Variants in ANK3 observed in about 807,000 individuals in gnomAD.
ANK3 encodes ankyrin 3, also known as ankyrin-3.
Under a neutral mutation model 370.9 loss-of-function variants are expected in ANK3, and 57 were observed. That is an observed-to-expected ratio of 0.15 (90% CI 0.12 to 0.19). The LOEUF (loss-of-function observed/expected upper bound fraction) is 0.19, where lower values mean the gene tolerates loss of function less well. Ranked by LOEUF, ANK3 falls within the 10% of genes least tolerant of loss-of-function variation. The pLI, the probability that ANK3 is intolerant of heterozygous loss-of-function variation, is 1.00. For synonymous variants in ANK3, 1,929 were observed against 1,946.3 expected, an observed-to-expected ratio of 0.99 and a Z score of 0.23; for missense variants, 4,439 against 5,302.1, an observed-to-expected ratio of 0.84 and a Z score of 5.06.
At chr10:60,575,430 C>T (rs1252396553) in intron 2 of ANK3, among the ~76,000 whole-genome samples, 1 of 152,058 alleles carries the variant, frequency 6.6e-6, no homozygotes, top group African/African-American at 2.4e-5. Context: ...TGATGAGGAA[C>T]TTGTGACTTT....
chr10:60,057,216 C>T (rs2079374997), intron 41 of ANK3, among the ~76,000 whole-genome samples: 1 of 152,134 alleles, frequency 6.6e-6, no homozygotes, highest in Non-Finnish European at 1.5e-5. Flanking sequence ...CCTTTTCTAC[C>T]TACTGAGAGA....
intron 1 of ANK3, among the ~76,000 whole-genome samples, chr10:60,621,669 C>T (rs2078339570): frequency 6.6e-6 from 1 of 152,020 alleles, no homozygotes; most frequent in Admixed American, 6.6e-5. Context: ...CCAAGTAACA[C>T]ATTTATTGTT....
chr10:60,260,405 C>T (rs2097786733), intron 7 of ANK3, among the ~76,000 whole-genome samples: 1 of 152,212 alleles, frequency 6.6e-6, no homozygotes, highest in East Asian at 1.9e-4. Context: ...CACTGTACTG[C>T]TGTTGCTAGC....
In ANK3 at chr10:60,177,891, C is replaced by A. The variant is rs546327520; in HGVS notation, c.2184+3438G>T. Among the ~76,000 whole-genome samples the A allele has an allele frequency of 2.0e-5, 3 of 152,250 alleles. No individual in the cohort carries two copies. In the South Asian group the frequency reaches 6.2e-4, roughly 32 times the overall value. On this transcript the variant is annotated intron_variant, in intron 18 of 43. Transcript: ENST00000280772. ...CTTCAAATCTTAGCTGTTTGTATGT[C>A]TTTTAATTATCTCTCTAATTTCTCT...
intron 2 of ANK3, among the ~76,000 whole-genome samples, chr10:60,516,040 G>A (rs1346834983): frequency 6.6e-6 from 1 of 151,948 alleles, no homozygotes; most frequent in Non-Finnish European, 1.5e-5. Context: ...AAATTGACAG[G>A]GGCAGGGATA....
intron 2 of ANK3, among the ~76,000 whole-genome samples, chr10:60,407,425 T>C (rs1368135294): frequency 6.6e-6 from 1 of 152,216 alleles, no homozygotes; most frequent in East Asian, 1.9e-4. Context: ...TTAATTAATA[T>C]ATCATTGGAC....
intron 1 of ANK3, among the ~76,000 whole-genome samples, chr10:60,322,925 C>T (rs1050850204): frequency 3.9e-5 from 6 of 152,114 alleles, no homozygotes; most frequent in African/African-American, 1.2e-4. Flanking sequence ...TTTACTGAGA[C>T]AGGCAAGACT....
chr10:60,254,153 A>G (rs1181371497), intron 7 of ANK3, among the ~76,000 whole-genome samples: 1 of 152,152 alleles, frequency 6.6e-6, no homozygotes, highest in Non-Finnish European at 1.5e-5. Context: ...TGACTAATAC[A>G]ATATAAAAGT....
chr10:60,185,980 C>T (rs2096315523), intron 17 of ANK3, among the ~76,000 whole-genome samples: 1 of 152,144 alleles, frequency 6.6e-6, no homozygotes, highest in Admixed American at 6.5e-5. Context: ...TTCAAAATTG[C>T]CAACAACTTC....
chr10:60,293,029 C>T (rs1484041442), intron 1 of ANK3, among the ~76,000 whole-genome samples: 1 of 152,164 alleles, frequency 6.6e-6, no homozygotes, highest in Non-Finnish European at 1.5e-5. Flanking sequence ...AACTTTCTAT[C>T]AGTCACCCCC....
intron 1 of ANK3, among the ~76,000 whole-genome samples, chr10:60,301,020 C>A (rs1173382567): frequency 6.6e-6 from 1 of 151,046 alleles, no homozygotes; most frequent in African/African-American, 2.4e-5. Context: ...TGTCAAAGGG[C>A]AAATGCAACT....
intron 11 of ANK3, among the ~76,000 whole-genome samples, chr10:60,204,509 T>TA (rs1169040494): frequency 2.6e-5 from 4 of 152,198 alleles, no homozygotes; most frequent in Admixed American, 2.0e-4. Flanking sequence ...TGTCAACCAT[T>TA]TAATATTTTA....
intron 42 of ANK3, among the ~76,000 whole-genome samples, chr10:60,045,833 C>A (rs575270250): frequency 8.9e-4 from 136 of 152,224 alleles, no homozygotes; most frequent in Non-Finnish European, 1.6e-3. Context: ...CCATATGTCA[C>A]AATCAGTAGA....
intron 2 of ANK3, among the ~76,000 whole-genome samples, chr10:60,583,793 C>A (rs1033857675): frequency 1.3e-5 from 2 of 151,978 alleles, no homozygotes; most frequent in Non-Finnish European, 2.9e-5. Context: ...ACTATGTTGG[C>A]CAGATTGGTC....
At chr10:60,413,669 A>G (rs1047951989) in intron 2 of ANK3, among the ~76,000 whole-genome samples, 3 of 152,228 alleles carry the variant, frequency 2.0e-5, no homozygotes, top group African/African-American at 7.2e-5. Flanking sequence ...TGTTCTATTC[A>G]GAATCATGCA....
At chr10:60,322,889 G>A (rs182786329) in intron 1 of ANK3, among the ~76,000 whole-genome samples, 39 of 152,278 alleles carry the variant, frequency 2.6e-4, no homozygotes, top group Admixed American at 1.6e-3. Flanking sequence ...ACAGATTTCT[G>A]ACCTGTAACT....
chr10:60,662,428 T>G (rs1348102155), intron 1 of ANK3, among the ~76,000 whole-genome samples: 1 of 152,018 alleles, frequency 6.6e-6, no homozygotes, highest in Non-Finnish European at 1.5e-5. Context: ...CTGGGGAAAA[T>G]CAACAAAAAT....
intron 16 of ANK3, among the ~76,000 whole-genome samples, chr10:60,189,667 T>C (rs1565563805): frequency 6.6e-6 from 1 of 152,178 alleles, no homozygotes; most frequent in East Asian, 1.9e-4. Flanking sequence ...TCACTTGCCA[T>C]ACTAAGAAAG....
At chr10:60,292,143 A>G (rs1212428737) in intron 1 of ANK3, among the ~76,000 whole-genome samples, 1 of 152,254 alleles carries the variant, frequency 6.6e-6, no homozygotes, top group African/African-American at 2.4e-5. Flanking sequence ...CAACCTTAAA[A>G]TTAATAAAAT....
Sources: allele counts gnomAD v4.1 joint callset (sites outside exome capture counted in the v4.1 genomes callset), GRCh38; gene constraint gnomAD v4.1.1; transcripts MANE v1.5; gene names NCBI Gene and HGNC (gene_info 2026-07-23, HGNC 2026-07-21).